Variants in MCC observed in about 807,000 individuals in gnomAD.
The protein encoded by MCC is MCC regulator of Wnt signaling pathway, also known as colorectal mutant cancer protein.
MCC carries 90 observed loss-of-function variants against 116.2 expected under a neutral mutation model. The observed-to-expected ratio is 0.77, with a 90% CI of 0.65 to 0.92. The LOEUF is 0.92. MCC is among the 40% of genes least tolerant of loss of function. The pLI is 0.00. For synonymous variants in MCC, 578 were observed against 510.5 expected, an observed-to-expected ratio of 1.13 and a Z score of -1.78; for missense variants, 1,516 against 1,312.2, an observed-to-expected ratio of 1.16 and a Z score of -2.40.
chr5:113,405,800 T>C (rs1389559689), intron 1 of MCC, among the ~76,000 whole-genome samples: 1 of 151,164 alleles, frequency 6.6e-6, no homozygotes, highest in East Asian at 1.9e-4. Flanking sequence ...AGCGAGACCC[T>C]ATCTCAAAAA....
At chr5:113,228,274 C>A (rs1054060668) in intron 3 of MCC, among the ~76,000 whole-genome samples, 2 of 152,026 alleles carry the variant, frequency 1.3e-5, no homozygotes, top group Non-Finnish European at 2.9e-5. Flanking sequence ...GTGTTTGGGT[C>A]CTGAGGGACC....
intron 3 of MCC, among the ~76,000 whole-genome samples, chr5:113,205,257 T>C (rs1172927975): frequency 6.6e-6 from 1 of 152,218 alleles, no homozygotes; most frequent in Non-Finnish European, 1.5e-5. Flanking sequence ...GAGGTGGGTT[T>C]GAGATCTAGA....
intron 3 of MCC, chr5:113,234,656 T>G (rs1483975976): frequency 6.6e-6 from 1 of 152,170 alleles, no homozygotes; most frequent in Non-Finnish European, 1.5e-5. Context: ...ATCTGTTGAG[T>G]GCAGATATTA....
At chr5:113,269,738 T>C (rs1765543901) in intron 3 of MCC, among the ~76,000 whole-genome samples, 2 of 152,188 alleles carry the variant, frequency 1.3e-5, no homozygotes, top group South Asian at 2.1e-4. Context: ...GTAATGTTCA[T>C]GGAAATGTCA....
intron 5 of MCC, among the ~76,000 whole-genome samples, chr5:113,135,049 C>G (rs913560199): frequency 6.6e-6 from 1 of 150,864 alleles, no homozygotes; most frequent in South Asian, 2.1e-4. Flanking sequence ...TCAAGCAATT[C>G]TCCTGCCTCA....
At chr5:113,289,071 G>A (rs961807893) in intron 3 of MCC, among the ~76,000 whole-genome samples, 7 of 152,110 alleles carry the variant, frequency 4.6e-5, no homozygotes, top group East Asian at 1.9e-4. Flanking sequence ...GGTGGTTCAC[G>A]CCTACAATCC....
intron 14 of MCC, among the ~76,000 whole-genome samples, chr5:113,060,256 G>A (rs983948753): frequency 4.6e-5 from 7 of 152,140 alleles, no homozygotes; most frequent in African/African-American, 1.4e-4. Context: ...CTGGGTTCAA[G>A]CAATTCTCCT....
intron 1 of MCC, among the ~76,000 whole-genome samples, chr5:113,460,314 C>T (rs111816569): frequency 1.9e-3 from 286 of 152,242 alleles, no homozygotes; most frequent in Non-Finnish European, 2.9e-3. Context: ...GGCACCTTTT[C>T]GGTGGGGATT....
At chr5:113,460,198 T>G (rs144324334) in intron 1 of MCC, among the ~76,000 whole-genome samples, 1 of 152,146 alleles carries the variant, frequency 6.6e-6, no homozygotes. Context: ...ATGGGTAGCT[T>G]TGGGGAATAT....
chr5:113,053,247 G>T (rs1752599760), intron 15 of MCC, among the ~76,000 whole-genome samples: 1 of 152,136 alleles, frequency 6.6e-6, no homozygotes, highest in Admixed American at 6.5e-5. Context: ...ACCTTCACTG[G>T]AGGGCACTAT....
intron 12 of MCC, among the ~76,000 whole-genome samples, chr5:113,069,792 T>A (rs1187534826): frequency 6.6e-6 from 1 of 152,162 alleles, no homozygotes; most frequent in Non-Finnish European, 1.5e-5. Flanking sequence ...TTCACTGTGT[T>A]AGCCAGGATG....
intron 3 of MCC, among the ~76,000 whole-genome samples, chr5:113,301,784 GT>G (rs1429539860): frequency 1.3e-5 from 2 of 152,130 alleles, no homozygotes; most frequent in East Asian, 3.8e-4. Context: ...TAAACTTCAA[GT>G]TTTTATTTAA....
At chr5:113,440,465 A>C (rs1434910111) in intron 1 of MCC, among the ~76,000 whole-genome samples, 1 of 152,112 alleles carries the variant, frequency 6.6e-6, no homozygotes, top group Non-Finnish European at 1.5e-5. Flanking sequence ...AATTCCAACC[A>C]AGTGTTTCCA....
chr5:113,294,359 A>G (rs777848018), intron 3 of MCC: 12 of 1,613,070 alleles, frequency 7.4e-6, no homozygotes, highest in South Asian at 3.3e-5. Context: ...AGTCGTTTCC[A>G]TATTTCATGG....
chr5:113,293,584 C>A (rs1215682450), intron 3 of MCC, among the ~76,000 whole-genome samples: 1 of 152,102 alleles, frequency 6.6e-6, no homozygotes, highest in East Asian at 1.9e-4. Context: ...TCCCTAAAAT[C>A]ATGAAAAAAG....
rs1283622322 is a variant in MCC, at chr5:113,049,315, C to A, written c.2449-16G>T. The A allele has an allele frequency of 6.4e-7, 1 of 1,553,076 alleles. No homozygotes were observed. Among genetic ancestry groups the A allele is most frequent in the Non-Finnish European group, 8.7e-7 (1 of 1,146,522 alleles). On this transcript the variant is annotated splice_polypyrimidine_tract_variant and intron_variant, in intron 15 of 18. Coordinates refer to ENST00000408903, the MANE Select transcript of MCC (RefSeq NM_001085377.2). The stretch of plus-strand genomic sequence containing the variant: ...CCATCTCCTCCTACAGACAAAGGAG[C>A]ACAGAGCACATGAGGCATGCCCTAT...
chr5:113,222,229 T>C (rs964860310), intron 3 of MCC, among the ~76,000 whole-genome samples: 3 of 152,238 alleles, frequency 2.0e-5, no homozygotes, highest in African/African-American at 2.4e-5. Flanking sequence ...ACACTGATTT[T>C]TGAATACTGA....
intron 1 of MCC, among the ~76,000 whole-genome samples, chr5:113,458,151 C>T (rs1025690525): frequency 1.3e-5 from 2 of 152,150 alleles, no homozygotes; most frequent in Admixed American, 1.3e-4. Flanking sequence ...CACTACGGTC[C>T]CCTTCCACAC....
chr5:113,196,691 T>C (rs550680986), intron 3 of MCC, among the ~76,000 whole-genome samples: 1 of 151,988 alleles, frequency 6.6e-6, no homozygotes, highest in African/African-American at 2.4e-5. Context: ...CTATTAAAAA[T>C]ACAAAAAATT....
Sources: allele counts gnomAD v4.1 joint callset (sites outside exome capture counted in the v4.1 genomes callset), GRCh38; gene constraint gnomAD v4.1.1; transcripts MANE v1.5; gene names NCBI Gene and HGNC (gene_info 2026-07-23, HGNC 2026-07-21).